DACH2: variants seen among roughly 807,000 people sequenced by gnomAD.
DACH2 encodes the protein dachshund family transcription factor 2.
Under a neutral mutation model 35.8 loss-of-function variants are expected in DACH2, and 17 were observed. The ratio of observed to expected loss-of-function variants is 0.48; its 90% CI spans 0.33 to 0.71. DACH2 has a LOEUF of 0.71. Ranked by LOEUF, DACH2 falls within the 30% of genes least tolerant of loss-of-function variation. DACH2 has a pLI of 0.02. For synonymous variants in DACH2, 195 were observed against 177.3 expected, an observed-to-expected ratio of 1.10 and a Z score of -0.79; for missense variants, 469 against 472.7, an observed-to-expected ratio of 0.99 and a Z score of 0.07.
intron 2 of DACH2, among the ~76,000 whole-genome samples, chrX:86,490,826 A>G (rs768328838): frequency 6.8e-4 from 76 of 111,382 alleles, no homozygotes; most frequent in African/African-American, 2.5e-3. Context: ...TCCATTTAAT[A>G]TAGGATGAAG....
At chrX:86,679,124 ATACT>A (rs71893050) in intron 4 of DACH2, among the ~76,000 whole-genome samples, 31,133 of 110,452 alleles carry the variant, frequency 0.28, 3,614 homozygotes, top group Admixed American at 0.46. Flanking sequence ...TAAATTTTTT[ATACT>A]TACTTTATAA....
intron 5 of DACH2, among the ~76,000 whole-genome samples, chrX:86,710,419 T>C (rs940010955): frequency 4.5e-5 from 5 of 111,880 alleles, no homozygotes; most frequent in African/African-American, 6.5e-5. Context: ...TACATCAATA[T>C]TGATTTTTCA....
chrX:86,444,315 C>T (rs1040564637), intron 2 of DACH2, among the ~76,000 whole-genome samples: 3 of 111,178 alleles, frequency 2.7e-5, no homozygotes, highest in Non-Finnish European at 5.7e-5. Flanking sequence ...ATCTCAAACT[C>T]CTGGTCTCAA....
chrX:86,699,900 A>C lies in DACH2; in HGVS notation c.931+4721A>C, dbSNP rs112962637. Among the ~76,000 whole-genome samples the C allele has an allele frequency of 5.7e-3, 638 of 111,539 alleles. 3 individuals are homozygous for C. Among genetic ancestry groups the C allele is most frequent in the African/African-American group, 0.02 (616 of 30,691 alleles). ...TGTCCCAAAGATTTTCATATGTACT[A>C]TCTTTGGTCTCATTAGTCTCAAATA... On this transcript the variant is annotated intron_variant, in intron 5 of 11. Transcript: ENST00000373125.
intron 2 of DACH2, among the ~76,000 whole-genome samples, chrX:86,509,946 T>C (rs926473646): frequency 9.0e-6 from 1 of 111,306 alleles, no homozygotes; most frequent in African/African-American, 3.3e-5. Context: ...ATTGCAGTGG[T>C]TTTTACAAGT....
At position 86,600,658 on chromosome X, in the gene DACH2, A is replaced by G. The variant is rs778866187; in HGVS notation, c.641-50378A>G. The stretch of plus-strand genomic sequence containing the variant: ...TAAAGTCTTTGGCAGGCACATTAAC[A>G]TCAGATCCCTGTGTATGCACAGCCC... On this transcript the variant is annotated intron_variant, in intron 3 of 11. Transcript: ENST00000373125. Among the ~76,000 whole-genome samples the G allele has an allele frequency of 4.5e-5, 5 of 112,122 alleles. No homozygotes were observed. In the East Asian group the frequency reaches 1.1e-3, roughly 26 times the overall value.
intron 1 of DACH2, among the ~76,000 whole-genome samples, chrX:86,305,910 G>T (rs1372428696): frequency 1.8e-5 from 2 of 111,735 alleles, no homozygotes; most frequent in Non-Finnish European, 3.8e-5. Flanking sequence ...TCTCACACCA[G>T]TTAGAATGGC....
At chrX:86,278,537 T>A (rs1298794623) in intron 1 of DACH2, among the ~76,000 whole-genome samples, 5 of 112,560 alleles carry the variant, frequency 4.4e-5, no homozygotes, top group Non-Finnish European at 9.4e-5. Flanking sequence ...ATGGTTCCTA[T>A]TTTGATTAAT....
chrX:86,564,691 G>A (rs2039272407), intron 3 of DACH2, among the ~76,000 whole-genome samples: 2 of 111,478 alleles, frequency 1.8e-5, no homozygotes, highest in African/African-American at 6.5e-5. Flanking sequence ...AATTAAAGAT[G>A]TAATATGAAA....
At chrX:86,289,756 A>C (rs1569332107) in intron 1 of DACH2, among the ~76,000 whole-genome samples, 2 of 108,996 alleles carry the variant, frequency 1.8e-5, no homozygotes, top group Non-Finnish European at 1.9e-5. Flanking sequence ...TGAACTCATC[A>C]TTTTTTATGG....
intron 5 of DACH2, among the ~76,000 whole-genome samples, chrX:86,702,055 C>A (rs1370706215): frequency 9.0e-6 from 1 of 111,243 alleles, no homozygotes; most frequent in Non-Finnish European, 1.9e-5. Context: ...TTTTAAAAAT[C>A]AAAATTATAT....
chrX:86,752,684 C>A (rs919739086), intron 7 of DACH2, among the ~76,000 whole-genome samples: 2 of 111,114 alleles, frequency 1.8e-5, no homozygotes, highest in African/African-American at 6.5e-5. Context: ...ATAGTAATTG[C>A]AGATTATATC....
At chrX:86,700,407 T>G (rs1165541267) in intron 5 of DACH2, among the ~76,000 whole-genome samples, 1 of 111,217 alleles carries the variant, frequency 9.0e-6, no homozygotes, top group East Asian at 2.8e-4. Context: ...ATCATAGTTC[T>G]CTAAGAACTT....
intron 7 of DACH2, among the ~76,000 whole-genome samples, chrX:86,741,857 A>G (rs1326643687): frequency 9.0e-6 from 1 of 111,457 alleles, no homozygotes; most frequent in Non-Finnish European, 1.9e-5. Context: ...TGGGTTATGC[A>G]TTGTTGCTGT....
chrX:86,464,061 C>T (rs1210612216), intron 2 of DACH2, among the ~76,000 whole-genome samples: 7 of 111,482 alleles, frequency 6.3e-5, no homozygotes, highest in Admixed American at 9.5e-5. Context: ...AATGCTTTTA[C>T]ACTGTTGGTG....
intron 3 of DACH2, among the ~76,000 whole-genome samples, chrX:86,519,447 T>C (rs1461215240): frequency 8.9e-6 from 1 of 111,923 alleles, no homozygotes; most frequent in African/African-American, 3.2e-5. Flanking sequence ...CTTTAATTTT[T>C]TGGAATAGCT....
intron 2 of DACH2, among the ~76,000 whole-genome samples, chrX:86,431,577 C>T (rs1056529047): frequency 9.0e-5 from 10 of 111,437 alleles, no homozygotes; most frequent in Non-Finnish European, 1.5e-4. Context: ...TCTTTAAATG[C>T]ATGTGTCCGA....
rs771459057 is a variant in DACH2 at position 86,603,264 on chromosome X, C to T, written c.641-47772C>T. On this transcript the variant is annotated intron_variant, in intron 3 of 11. Transcript: ENST00000373125. ...CCTCACCCTAATTACTTGATCTTAACTTGATTACCTCTATAAAGATCCCAT... is the reference window on the plus strand; with the variant it reads ...CCTCACCCTAATTACTTGATCTTAATTTGATTACCTCTATAAAGATCCCAT... Among the ~76,000 whole-genome samples, 5 of 111,192 alleles carry T rather than the reference C, an allele frequency of 4.5e-5. No individual in the cohort carries two copies. The South Asian group carries it at 1.9e-3, about 42-fold the overall frequency.
chrX:86,477,979 C>G (rs1362606044), intron 2 of DACH2, among the ~76,000 whole-genome samples: 1 of 111,540 alleles, frequency 9.0e-6, no homozygotes, highest in African/African-American at 3.3e-5. Flanking sequence ...AAAAACAAAA[C>G]TAATGAAAAC....
Sources: allele counts gnomAD v4.1 joint callset (sites outside exome capture counted in the v4.1 genomes callset), GRCh38; gene constraint gnomAD v4.1.1; transcripts MANE v1.5; gene names NCBI Gene and HGNC (gene_info 2026-07-23, HGNC 2026-07-21).